ADAMTS6: variants seen among roughly 807,000 people sequenced by gnomAD.
ADAMTS6 encodes the protein A disintegrin and metalloproteinase with thrombospondin motifs 6.
Under a neutral mutation model 144.3 loss-of-function variants are expected in ADAMTS6, and 23 were observed. The observed-to-expected ratio is 0.16, with a 90% CI of 0.11 to 0.23. The LOEUF (loss-of-function observed/expected upper bound fraction) is 0.23, where lower values mean the gene tolerates loss of function less well. ADAMTS6 is among the 10% of genes least tolerant of loss of function. The pLI is 1.00. For missense variants in ADAMTS6, 999 were observed against 1,379.6 expected (o/e 0.72, Z 4.37); for synonymous variants, 444 against 457.5 (o/e 0.97, Z 0.38).
At chr5:65,285,254 T>C (rs555807298) in intron 11 of ADAMTS6, among the ~76,000 whole-genome samples, 3 of 152,284 alleles carry the variant, frequency 2.0e-5, no homozygotes, top group African/African-American at 7.2e-5. Context: ...TTCTACCTTT[T>C]TCTCCTGTTT....
intron 14 of ADAMTS6, among the ~76,000 whole-genome samples, chr5:65,250,436 A>G (rs948131906): frequency 1.3e-5 from 2 of 152,200 alleles, no homozygotes; most frequent in African/African-American, 4.8e-5. Flanking sequence ...AACACTGTTT[A>G]ATGATCTTAG....
chr5:65,260,207 A>G (rs1761057156), intron 14 of ADAMTS6, among the ~76,000 whole-genome samples: 2 of 152,178 alleles, frequency 1.3e-5, no homozygotes, highest in South Asian at 2.1e-4. Context: ...CATCTTATCT[A>G]TTGGATGAGG....
intron 7 of ADAMTS6, among the ~76,000 whole-genome samples, chr5:65,345,030 C>G (rs1748185034): frequency 6.6e-6 from 1 of 151,744 alleles, no homozygotes; most frequent in African/African-American, 2.4e-5. Context: ...ATGCGTTTTT[C>G]TACACTAGAC....
chr5:65,153,238 A>C (rs1240241847), intron 24 of ADAMTS6, among the ~76,000 whole-genome samples: 1 of 152,244 alleles, frequency 6.6e-6, no homozygotes, highest in Admixed American at 6.5e-5. Context: ...TGGAACTCCC[A>C]AATCCACTGA....
At chr5:65,262,729 C>A in intron 13 of ADAMTS6, 88 bp downstream of exon 13, 1 of 1,392,714 alleles carries the variant, frequency 7.2e-7, no homozygotes, top group Non-Finnish European at 9.3e-7. Flanking sequence ...ACTAGCGAAA[C>A]GTTTTTACAG....
intron 11 of ADAMTS6, among the ~76,000 whole-genome samples, chr5:65,285,599 A>G (rs1436645078): frequency 1.3e-5 from 2 of 152,170 alleles, no homozygotes; most frequent in Non-Finnish European, 2.9e-5. Flanking sequence ...ACAGCTGTGA[A>G]TCAGACAAAA....
rs192684921 is a variant in ADAMTS6, at chr5:65,425,237, A to C, written c.1073+26238T>G. ...GAGACGGGGTTTTGCCACGTTGGCA[A>C]GGCTGGTCTTGAACTCCTGACCTCA... On this transcript the variant is annotated intron_variant, in intron 7 of 24. Coordinates refer to ENST00000381055, the MANE Select transcript of ADAMTS6 (RefSeq NM_197941.4). 1.4e-3 allele frequency among the ~76,000 whole-genome samples: 220 copies of C among 152,328 alleles called. 1 individual carries two copies. Among genetic ancestry groups the C allele is most frequent in the African/African-American group, 5.1e-3 (213 of 41,570 alleles).
chr5:65,246,099 T>C (rs375298192), intron 14 of ADAMTS6, among the ~76,000 whole-genome samples: 3 of 152,188 alleles, frequency 2.0e-5, no homozygotes, highest in African/African-American at 7.2e-5. Context: ...ATACAATCTA[T>C]ATAAACATCT....
At chr5:65,213,475 T>C (rs1373458573) in intron 20 of ADAMTS6, among the ~76,000 whole-genome samples, 2 of 151,974 alleles carry the variant, frequency 1.3e-5, no homozygotes, top group Non-Finnish European at 1.5e-5. Flanking sequence ...GATCCTGTCT[T>C]TACAAAAATT....
chr5:65,206,699 C>CAAAAAA (rs11296295), intron 20 of ADAMTS6, among the ~76,000 whole-genome samples: 49 of 77,830 alleles, frequency 6.3e-4, no homozygotes, highest in East Asian at 1.2e-3. Flanking sequence ...GACTCCATCT[C>CAAAAAA]AAAAAAAAAA....
Position 65,450,542 on chromosome 5 carries a change from A to G in ADAMTS6, c.1073+933T>C, listed in dbSNP as rs1758656537. 2.6e-5 allele frequency among the ~76,000 whole-genome samples: 4 copies of G among 152,332 alleles called. No individual in the cohort carries two copies. The South Asian group carries it at 8.3e-4, about 32-fold the overall frequency. On this transcript the variant is annotated intron_variant, in intron 7 of 24. Transcript: ENST00000381055. ...GACTATTTCACCTAGCCAAGAGAGA[A>G]TAATGCTTCCATTTTGCTTATTGTT...
intron 18 of ADAMTS6, among the ~76,000 whole-genome samples, chr5:65,222,320 T>C (rs1439973334): frequency 6.6e-6 from 1 of 152,190 alleles, no homozygotes; most frequent in Non-Finnish European, 1.5e-5. Flanking sequence ...GTATGCTTAA[T>C]TGATCTCTCA....
chr5:65,333,469 TAAG>T (rs1746976288), intron 8 of ADAMTS6, among the ~76,000 whole-genome samples: 1 of 152,106 alleles, frequency 6.6e-6, no homozygotes, highest in African/African-American at 2.4e-5. Flanking sequence ...TAATATTTTA[TAAG>T]ATTATTTTTT....
intron 11 of ADAMTS6, among the ~76,000 whole-genome samples, chr5:65,281,006 T>C (rs1338661978): frequency 6.6e-6 from 1 of 152,152 alleles, no homozygotes; most frequent in African/African-American, 2.4e-5. Flanking sequence ...AGGGATCATG[T>C]AGGGATGTTG....
chr5:65,182,282 A>C (rs13172359), intron 22 of ADAMTS6, among the ~76,000 whole-genome samples: 67,566 of 151,502 alleles, frequency 0.45, 16,739 homozygotes, highest in Non-Finnish European at 0.56. Context: ...CCCTGTCTCT[A>C]CTAAAAATAC....
At chr5:65,388,310 T>C (rs1289791238) in intron 7 of ADAMTS6, among the ~76,000 whole-genome samples, 1 of 152,200 alleles carries the variant, frequency 6.6e-6, no homozygotes, top group Admixed American at 6.5e-5. Flanking sequence ...CATCCTTCTG[T>C]AGTCCACTGC....
At chr5:65,224,813 A>T in intron 17 of ADAMTS6, 111 bp downstream of exon 17, 2 of 1,308,948 alleles carry the variant, frequency 1.5e-6, no homozygotes, top group Non-Finnish European at 2.1e-6. Flanking sequence ...GGGGAAGAAA[A>T]CATTGTCTGC....
chr5:65,480,435 T>C (rs1286288934), intron 1 of ADAMTS6, among the ~76,000 whole-genome samples: 1 of 152,004 alleles, frequency 6.6e-6, no homozygotes, highest in African/African-American at 2.4e-5. Flanking sequence ...CTAAATCTAT[T>C]TGGATAAAAC....
At chr5:65,418,945 G>A (rs1755785061) in intron 7 of ADAMTS6, among the ~76,000 whole-genome samples, 1 of 152,184 alleles carries the variant, frequency 6.6e-6, no homozygotes, top group Non-Finnish European at 1.5e-5. Context: ...CTACTCTGCT[G>A]GTGGGAATGT....
Sources: gnomAD v4.1 joint callset for allele counts (sites outside exome capture counted in the v4.1 genomes callset) on GRCh38, gnomAD v4.1.1 for gene constraint, MANE v1.5 for transcripts, NCBI Gene and HGNC (gene_info 2026-07-23, HGNC 2026-07-21) for gene names.